CCNI: variants seen among roughly 807,000 people sequenced by gnomAD.
The protein encoded by CCNI is cyclin I.
A neutral mutation model predicts 34.1 loss-of-function variants in CCNI; 14 were observed. The ratio of observed to expected loss-of-function variants is 0.41; its 90% CI spans 0.27 to 0.64. The LOEUF (loss-of-function observed/expected upper bound fraction) is 0.64. CCNI is among the 30% of genes least tolerant of loss of function. The pLI is 0.31. For synonymous variants in CCNI, 154 were observed against 158.4 expected, an observed-to-expected ratio of 0.97 and a Z score of 0.21; for missense variants, 385 against 440.5, an observed-to-expected ratio of 0.87 and a Z score of 1.13.
At chr4:77,074,283 AT>A (rs1729727078) in intron 1 of CCNI, among the ~76,000 whole-genome samples, 1 of 152,176 alleles carries the variant, frequency 6.6e-6, no homozygotes, top group Admixed American at 6.5e-5. Context: ...CTTCATCGGT[AT>A]CAAGAAATTT....
At position 77,064,585 on chromosome 4, in the gene CCNI, G is replaced by A. The variant is rs866554239; in HGVS notation, c.114+1664C>T. On this transcript the variant is annotated intron_variant, in intron 2 of 6. Transcript: ENST00000237654. ...CTAAAAATCACACATGCGCGCGCGC[G>A]CACACACACACACACACACACACAC... 1,217 of 143,068 alleles carry A rather than the reference G, an allele frequency of 8.5e-3. 11 individuals carry two copies. Among genetic ancestry groups the A allele is most frequent in the African/African-American group, 0.011 (416 of 37,978 alleles). 8.9% of individuals were successfully genotyped at this position (143,068 alleles called of 1,614,324 possible).
Position 77,048,200 on chromosome 4 carries a change from A to AAGGT in CCNI, c.*15_*18dup. 3 of 1,598,290 alleles carry AAGGT rather than the reference A, an allele frequency of 1.9e-6. No individual in the cohort carries two copies. The highest frequency in any genetic ancestry group is 2.6e-6 in the Non-Finnish European group (3 of 1,169,738). ...AGTAGTCTACCTTAGTTTACACTCA[A>AAGGT]AGGTAGCACTTGTTGAAACTACATG... On this transcript the variant is annotated 3_prime_UTR_variant, in exon 7 of 7. Coordinates refer to ENST00000237654, the MANE Select transcript of CCNI (RefSeq NM_006835.3).
At chr4:77,057,135 T>G (rs939815181) in intron 3 of CCNI, among the ~76,000 whole-genome samples, 2 of 151,884 alleles carry the variant, frequency 1.3e-5, no homozygotes, top group Non-Finnish European at 2.9e-5. Flanking sequence ...TGCCTACTTT[T>G]ATCTCAGCAA....
intron 2 of CCNI, among the ~76,000 whole-genome samples, chr4:77,061,831 A>T (rs969526444): frequency 6.6e-6 from 1 of 152,006 alleles, no homozygotes; most frequent in South Asian, 2.1e-4. Context: ...CACCACACCC[A>T]GCTAATTTTT....
In CCNI at chr4:77,060,097, G is replaced by GA. The variant is rs1728501741; in HGVS notation, c.115-1463dup. Among the ~76,000 whole-genome samples the GA allele has an allele frequency of 2.4e-5, 3 of 126,440 alleles. No homozygotes were observed. In the South Asian group the frequency reaches 6.9e-4, roughly 29 times the overall value. 82.9% of individuals were successfully genotyped at this position (126,440 alleles called of 152,430 possible). A position where few individuals can be genotyped will look rare whatever the true frequency, so the allele number is the denominator to read the frequency against. On this transcript the variant is annotated intron_variant, in intron 2 of 6. Transcript: ENST00000237654. ...GTTAGAGATACAATGTGGGGTATGG[G>GA]AGAAAAAAAAAAATCCCTGAATGAC...
In CCNI at chr4:77,048,029, C is replaced by G. The variant is rs961039352; in HGVS notation, c.*190G>C. On this transcript the variant is annotated 3_prime_UTR_variant, in exon 7 of 7. Coordinates refer to ENST00000237654, the MANE Select transcript of CCNI (RefSeq NM_006835.3). ...TGGATTTCTTTTTTTTTTTTTTGGTCTTTATGTGCTTAAATAACGCTGAAT... is the reference window on the plus strand; with the variant it reads ...TGGATTTCTTTTTTTTTTTTTTGGTGTTTATGTGCTTAAATAACGCTGAAT... The G allele has an allele frequency of 3.6e-4, 124 of 341,086 alleles. No individual in the cohort carries two copies. The highest frequency in any genetic ancestry group is 2.5e-3 in the Middle Eastern group (3 of 1,216). The allele number at this position is 341,086 out of a possible 1,614,324, so 21.1% of individuals were successfully genotyped here.
chr4:77,055,210 T>A lies in CCNI; in HGVS notation c.630A>T (p.Glu210Asp). 6.2e-7 allele frequency: 1 copy of A among 1,614,166 alleles called. No individual in the cohort carries two copies. Among genetic ancestry groups the A allele is most frequent in the Non-Finnish European group, 8.5e-7 (1 of 1,179,994 alleles). The change falls in exon 6 of 7, where the codon GAA becomes GAT. Residue 210 changes from glutamate (E) to aspartate (D), a missense_variant. Physicochemically the swap from Glu to Asp is conservative, Grantham distance 45. Around this residue, in one of 2 missense-constraint regions of CCNI, gnomAD observed 250 missense variants for 248.7 expected, o/e 1.01. Coordinates refer to ENST00000237654, the MANE Select transcript of CCNI (RefSeq NM_006835.3). ...SMLALAMVSL[E>D]MEKLIPDWLS... ...GCCAATCAGGAATGAGTTTCTCCATTTCCAGACTAACCATGGCCAGAGCAA... is the reference window on the plus strand; with the variant it reads ...GCCAATCAGGAATGAGTTTCTCCATATCCAGACTAACCATGGCCAGAGCAA...
rs1157339657 is a variant in CCNI, at chr4:77,075,417, G to T, written c.-44+55C>A. 8 of 789,182 alleles carry T rather than the reference G, an allele frequency of 1.0e-5. No individual in the cohort carries two copies. In the African/African-American group the frequency reaches 1.3e-4, roughly 13 times the overall value. 48.9% of individuals were successfully genotyped at this position (789,182 alleles called of 1,614,324 possible). On this transcript the variant is annotated intron_variant, in intron 1 of 6. Coordinates refer to ENST00000237654, the MANE Select transcript of CCNI (RefSeq NM_006835.3). ...GGGGGGAGCAGCGGGGCCCCAGCGCGTCGACGCCGGCCGCGGAGACGCGTC... is the reference window on the plus strand; with the variant it reads ...GGGGGGAGCAGCGGGGCCCCAGCGCTTCGACGCCGGCCGCGGAGACGCGTC...
At chr4:77,075,227 C>T (rs1326169618) in intron 1 of CCNI, 1 of 152,170 alleles carries the variant, frequency 6.6e-6, no homozygotes, top group African/African-American at 2.4e-5. Flanking sequence ...AAAACTGGCC[C>T]GAAAAGGAAC....
rs1235719504 is a variant in CCNI, at chr4:77,075,536, G to C, written c.-108C>G. On this transcript the variant is annotated 5_prime_UTR_variant, in exon 1 of 7. Coordinates refer to ENST00000237654, the MANE Select transcript of CCNI (RefSeq NM_006835.3). ...GCTGTAGGCCTCACAGTGGTGACGC[G>C]GGGTCATCCGGGGGCCCGTTACCAC... 9.1e-6 allele frequency: 9 copies of C among 988,504 alleles called. No homozygotes were observed. Among genetic ancestry groups the C allele is most frequent in the Non-Finnish European group, 1.1e-5 (9 of 830,662 alleles). The allele number at this position is 988,504 out of a possible 1,614,324, so 61.2% of individuals were successfully genotyped here. A position where few individuals can be genotyped will look rare whatever the true frequency, so the allele number is the denominator to read the frequency against.
rs1055356099 is a variant in CCNI at position 77,075,954 on chromosome 4, TGCCGCGTCCGCTC to T, written c.-539_-527del. ...ATAAGAAAAAGCGAGACAGAGGCGC[TGCCGCGTCCGCTC>T]GCGGGGAAGGCTGGGGAGGGAGGGG... is the stretch of plus-strand genomic sequence containing the variant. On this transcript the variant is annotated 5_prime_UTR_variant, in exon 1 of 7. Transcript: ENST00000237654. 6.9e-6 allele frequency: 1 copy of T among 145,044 alleles called. No homozygotes were observed. Among genetic ancestry groups the T allele is most frequent in the Non-Finnish European group, 1.5e-5 (1 of 66,566 alleles). The allele number at this position is 145,044 out of a possible 1,614,324, so 9.0% of individuals were successfully genotyped here.
chr4:77,063,588 G>A (rs1428384369), intron 2 of CCNI, among the ~76,000 whole-genome samples: 2 of 151,738 alleles, frequency 1.3e-5, no homozygotes, highest in African/African-American at 4.8e-5. Context: ...TAATGGGGAG[G>A]CTGAGGCAGG....
chr4:77,055,200 G>T lies in CCNI; in HGVS notation c.640C>A (p.Leu214Ile), dbSNP rs1402350234. 16 of 1,614,100 alleles carry T rather than the reference G, an allele frequency of 9.9e-6. No homozygotes were observed. The highest frequency in any genetic ancestry group is 1.3e-5 in the Non-Finnish European group (15 of 1,179,944). ...GTAAGAGAAAGCCAATCAGGAATGA[G>T]TTTCTCCATTTCCAGACTAACCATG... The part of the protein sequence containing the change: ...LAMVSLEMEK[L>I]IPDWLSLTIE... The change falls in exon 6 of 7, where the codon CTC becomes ATC. Residue 214 changes from leucine to isoleucine, a missense_variant. By Grantham distance (5) the Leu-to-Ile change is conservative. Coordinates refer to ENST00000237654, the MANE Select transcript of CCNI (RefSeq NM_006835.3).
At chr4:77,073,860 C>T (rs562265497) in intron 1 of CCNI, among the ~76,000 whole-genome samples, 1 of 152,290 alleles carries the variant, frequency 6.6e-6, no homozygotes, top group East Asian at 1.9e-4. Flanking sequence ...TGAGCATATG[C>T]CTAATAGCTT....
chr4:77,056,382 T>C (rs915255319), intron 3 of CCNI, 59 bp from the exon 4 acceptor site: 1 of 1,281,036 alleles, frequency 7.8e-7, no homozygotes, highest in Non-Finnish European at 1.1e-6. Flanking sequence ...AATTTAACTT[T>C]TTGTAACTGT....
At chr4:77,064,585 G>GCA (rs71214329) in intron 2 of CCNI, 23,512 of 142,916 alleles carry the variant, frequency 0.16, 1,944 homozygotes, top group Non-Finnish European at 0.19. Flanking sequence ...GCGCGCGCGC[G>GCA]CACACACACA....
chr4:77,070,024 T>TA (rs1409137285), intron 1 of CCNI, among the ~76,000 whole-genome samples: 1 of 151,476 alleles, frequency 6.6e-6, no homozygotes, highest in Non-Finnish European at 1.5e-5. Context: ...GGGCTTTTTT[T>TA]TTTTTTTTTT....
chr4:77,053,388 A>T (rs1048914807), intron 6 of CCNI, among the ~76,000 whole-genome samples: 1 of 152,322 alleles, frequency 6.6e-6, no homozygotes, highest in African/African-American at 2.4e-5. Context: ...GGTGAATGAA[A>T]TAACTTCTCC....
intron 6 of CCNI, among the ~76,000 whole-genome samples, chr4:77,054,572 C>T (rs762199528): frequency 4.6e-5 from 7 of 152,178 alleles, no homozygotes; most frequent in Non-Finnish European, 8.8e-5. Context: ...TGAACCTTTA[C>T]ATTTTACTTA....
Sources: allele counts gnomAD v4.1 joint callset (sites outside exome capture counted in the v4.1 genomes callset), GRCh38; gene constraint gnomAD v4.1.1; regional missense constraint gnomAD v4.1.1; transcripts MANE v1.5; gene names NCBI Gene and HGNC (gene_info 2026-07-23, HGNC 2026-07-21).